Variants in MIPOL1 observed in about 807,000 individuals in gnomAD.
MIPOL1 encodes mirror-image polydactyly 1.
A neutral mutation model predicts 60.9 loss-of-function variants in MIPOL1; 57 were observed. That is an observed-to-expected ratio of 0.94 (90% CI 0.76 to 1.17). The LOEUF (loss-of-function observed/expected upper bound fraction) is 1.17. Ranked by LOEUF, MIPOL1 falls within the 50% of genes most tolerant of loss-of-function variation. The probability of loss-of-function intolerance (pLI) is 0.00; values close to 1 mark genes in which losing one functional copy is unlikely to be tolerated. For synonymous variants in MIPOL1, 179 were observed against 168.8 expected (o/e 1.06, Z -0.47); for missense variants, 551 against 511.6 (o/e 1.08, Z -0.74).
At chr14:37,398,700 A>G (rs1389473208) in intron 10 of MIPOL1, among the ~76,000 whole-genome samples, 1 of 152,228 alleles carries the variant, frequency 6.6e-6, no homozygotes, top group African/African-American at 2.4e-5. Flanking sequence ...ACAGGTAAGC[A>G]AATCACACCC....
chr14:37,498,022 C>T (rs1033237758), intron 11 of MIPOL1, among the ~76,000 whole-genome samples: 11 of 152,038 alleles, frequency 7.2e-5, no homozygotes, highest in Non-Finnish European at 1.0e-4. Context: ...AAATAAGTTA[C>T]GGCATATGTA....
At chr14:37,312,809 G>A (rs1432513682) in intron 9 of MIPOL1, among the ~76,000 whole-genome samples, 2 of 151,696 alleles carry the variant, frequency 1.3e-5, no homozygotes, top group African/African-American at 4.8e-5. Flanking sequence ...TCATTTTTTT[G>A]GCCAATTCAC....
intron 3 of MIPOL1, among the ~76,000 whole-genome samples, chr14:37,252,084 C>T (rs1974203421): frequency 6.6e-6 from 1 of 151,132 alleles, no homozygotes; most frequent in African/African-American, 2.4e-5. Flanking sequence ...AGAATTATAC[C>T]TTGAAGAAGC....
chr14:37,450,060 G>A (rs1319799975), intron 11 of MIPOL1, among the ~76,000 whole-genome samples: 1 of 152,168 alleles, frequency 6.6e-6, no homozygotes, highest in Non-Finnish European at 1.5e-5. Context: ...TGATCTGCCA[G>A]CCTTGGTCTC....
intron 11 of MIPOL1, among the ~76,000 whole-genome samples, chr14:37,431,565 G>GTTTTT (rs1566592834): frequency 5.0e-5 from 2 of 40,042 alleles, no homozygotes; most frequent in African/African-American, 9.1e-5. Flanking sequence ...TGCCATCTCT[G>GTTTTT]TTTCTTTTTT....
At chr14:37,346,538 G>T (rs1199130804) in intron 9 of MIPOL1, among the ~76,000 whole-genome samples, 3 of 151,768 alleles carry the variant, frequency 2.0e-5, no homozygotes, top group Non-Finnish European at 4.4e-5. Context: ...GTAAAAATTG[G>T]CCTGAAAGTC....
intron 6 of MIPOL1, among the ~76,000 whole-genome samples, chr14:37,281,069 C>A (rs1216899413): frequency 6.6e-6 from 1 of 152,144 alleles, no homozygotes; most frequent in African/African-American, 2.4e-5. Context: ...GGGTCATATT[C>A]AAGAAGTCTG....
intron 1 of MIPOL1, among the ~76,000 whole-genome samples, chr14:37,226,732 A>C (rs986572516): frequency 6.6e-6 from 1 of 152,104 alleles, no homozygotes; most frequent in Non-Finnish European, 1.5e-5. Flanking sequence ...TGAGCCTGGG[A>C]GTTCAAGACT....
intron 12 of MIPOL1, among the ~76,000 whole-genome samples, chr14:37,537,525 TGA>T (rs1450689400): frequency 6.6e-6 from 1 of 152,192 alleles, no homozygotes; most frequent in Admixed American, 6.5e-5. Context: ...TTATTAAATT[TGA>T]GTTTTCTATT....
intron 9 of MIPOL1, among the ~76,000 whole-genome samples, chr14:37,319,328 A>G (rs1407423678): frequency 2.0e-5 from 3 of 152,208 alleles, no homozygotes; most frequent in Non-Finnish European, 4.4e-5. Flanking sequence ...ATATATTTCT[A>G]AATAGCCTTC....
At chr14:37,532,431 T>G (rs1450219977) in intron 12 of MIPOL1, among the ~76,000 whole-genome samples, 1 of 152,212 alleles carries the variant, frequency 6.6e-6, no homozygotes, top group Non-Finnish European at 1.5e-5. Flanking sequence ...AAAAGATGTA[T>G]GTGATTTAAT....
intron 11 of MIPOL1, among the ~76,000 whole-genome samples, chr14:37,447,818 T>G (rs887552284): frequency 2.0e-5 from 3 of 152,122 alleles, no homozygotes; most frequent in Non-Finnish European, 4.4e-5. Context: ...TTTTTAATAA[T>G]ATAGATGTAA....
At chr14:37,396,716 G>A (rs1472701771) in intron 10 of MIPOL1, among the ~76,000 whole-genome samples, 1 of 151,900 alleles carries the variant, frequency 6.6e-6, no homozygotes, top group Non-Finnish European at 1.5e-5. Context: ...TTAATTCAAA[G>A]ACCTTGTCTT....
chr14:37,265,662 ACAGG>A (rs2082824691), intron 3 of MIPOL1, among the ~76,000 whole-genome samples: 1 of 152,148 alleles, frequency 6.6e-6, no homozygotes. Flanking sequence ...AAAAAACAAG[ACAGG>A]CAGGAAAATT....
At chr14:37,356,354 C>A (rs2091824714) in intron 9 of MIPOL1, among the ~76,000 whole-genome samples, 1 of 151,902 alleles carries the variant, frequency 6.6e-6, no homozygotes, top group African/African-American at 2.4e-5. Context: ...TTACTGCTGT[C>A]TTTTTGTTTG....
At chr14:37,504,148 G>A (rs7492724) in intron 12 of MIPOL1, 117,012 of 151,990 alleles carry the variant, frequency 0.77, 45,573 homozygotes, top group African/African-American at 0.89. Context: ...CTCCCACACA[G>A]TGATAATGGG....
intron 6 of MIPOL1, 66 bp downstream of exon 6, chr14:37,270,591 T>C: frequency 2.5e-6 from 2 of 805,018 alleles, no homozygotes; most frequent in South Asian, 5.9e-5. Context: ...ATGATGTATC[T>C]TGGTGAATAC....
chr14:37,243,520 A>G (rs1342634590), intron 1 of MIPOL1, among the ~76,000 whole-genome samples: 2 of 151,938 alleles, frequency 1.3e-5, no homozygotes, highest in Non-Finnish European at 2.9e-5. Context: ...TACAAAATTC[A>G]GAGTTTTTCT....
chr14:37,335,739 CTTCTA>C (rs1484191807), intron 9 of MIPOL1, among the ~76,000 whole-genome samples: 1 of 151,944 alleles, frequency 6.6e-6, no homozygotes, highest in Non-Finnish European at 1.5e-5. Flanking sequence ...GGAGAAATAT[CTTCTA>C]TTCAAGTTTT....
Sources: allele counts gnomAD v4.1 joint callset (sites outside exome capture counted in the v4.1 genomes callset), GRCh38; gene constraint gnomAD v4.1.1; transcripts MANE v1.5; gene names NCBI Gene and HGNC (gene_info 2026-07-23, HGNC 2026-07-21).